The following BCAS3 variants were observed in gnomAD, a reference collection of about 807,000 sequenced individuals.
BCAS3 encodes BCAS4/BCAS3 fusion.
In BCAS3, 53 loss-of-function variants were observed where a neutral mutation model predicts 116.1. That is an observed-to-expected ratio of 0.46 (90% confidence interval 0.37 to 0.57). The LOEUF is 0.57. Among genes scored for constraint, BCAS3 ranks in the 20% least tolerant of loss-of-function variants. The pLI is 0.00. For missense variants in BCAS3, 917 were observed against 1,165.4 expected (o/e 0.79, Z 3.10); for synonymous variants, 391 against 408.2 (o/e 0.96, Z 0.51).
At position 61,268,585 on chromosome 17, in the gene BCAS3, G is replaced by GT. The variant is rs201739100; in HGVS notation, c.2426-99734dup. 6.3e-3 allele frequency among the ~76,000 whole-genome samples: 943 copies of GT among 150,174 alleles called. 9 individuals carry two copies. The highest frequency in any genetic ancestry group is 0.02 in the African/African-American group (813 of 40,510). On this transcript the variant is annotated intron_variant, in intron 22 of 23. Coordinates refer to ENST00000407086, the MANE Select transcript of BCAS3 (RefSeq NM_017679.5). ...GTAATTGTCTTTCTGGGTTTTTTTT[G>GT]TTTTTTTTGTTTTTTGAGACACAGC... is the stretch of plus-strand genomic sequence containing the variant.
chr17:60,846,671 T>G (rs897206089), intron 7 of BCAS3, among the ~76,000 whole-genome samples: 2 of 152,152 alleles, frequency 1.3e-5, no homozygotes, highest in Admixed American at 1.3e-4. Context: ...GTATTGACCC[T>G]TCTATCTTTA....
rs554434416 is a variant in BCAS3, at chr17:61,007,388, G to T, written c.1487-8363G>T. 6.6e-6 allele frequency among the ~76,000 whole-genome samples: 1 copy of T among 151,762 alleles called. No individual in the cohort carries two copies. Among genetic ancestry groups the T allele is most frequent in the South Asian group, 2.1e-4 (1 of 4,822 alleles). ...TTTCTTTATGACTTTTAATTTTTAG[G>T]CATCAAATTTCTAAATTTATTGGGT... is the stretch of plus-strand genomic sequence containing the variant. On this transcript the variant is annotated intron_variant, in intron 15 of 23. Coordinates refer to ENST00000407086, the MANE Select transcript of BCAS3 (RefSeq NM_017679.5). This position sits in a 1 kb window ranked among gnomAD's most constrained non-coding sequence, Gnocchi z 4.3.
Position 61,376,897 on chromosome 17 carries a change from C to T in BCAS3, c.2593+8403C>T, listed in dbSNP as rs1179024966. 2.0e-5 allele frequency among the ~76,000 whole-genome samples: 3 copies of T among 152,210 alleles called. No individual in the cohort carries two copies. Among genetic ancestry groups the T allele is most frequent in the African/African-American group, 4.8e-5 (2 of 41,448 alleles). Reference sequence around the variant, plus strand: ...CTTAATGACCTCATCAGTGGCCCAACGTGTTCTTTCTGTGGTTGGGGCAGG... The same window carrying T: ...CTTAATGACCTCATCAGTGGCCCAATGTGTTCTTTCTGTGGTTGGGGCAGG... On this transcript the variant is annotated intron_variant, in intron 23 of 23. Transcript: ENST00000407086. The surrounding 1 kb of genome is among the most constrained non-coding windows in gnomAD (Gnocchi z 4.5).
Position 60,865,076 on chromosome 17 carries a change from G to A in BCAS3, c.477-3500G>A, listed in dbSNP as rs143168328. On this transcript the variant is annotated intron_variant, in intron 7 of 23. Transcript: ENST00000407086. ...AACAGATATAATAATAAATGAAAGA[G>A]TTTGAAGTATTATGAGAATTACCAA... 3.7e-3 allele frequency among the ~76,000 whole-genome samples: 570 copies of A among 152,206 alleles called. 3 individuals are homozygous for A. Among genetic ancestry groups the A allele is most frequent in the African/African-American group, 0.013 (542 of 41,516 alleles).
At chr17:61,245,329 A>C (rs1694525422) in intron 22 of BCAS3, 1 of 152,160 alleles carries the variant, frequency 6.6e-6, no homozygotes, top group Non-Finnish European at 1.5e-5. Context: ...GGGAACTACA[A>C]GTCAAGATGA....
intron 7 of BCAS3, among the ~76,000 whole-genome samples, chr17:60,829,838 TTGA>T (rs2050759520): frequency 6.6e-6 from 1 of 152,216 alleles, no homozygotes; most frequent in Non-Finnish European, 1.5e-5. Flanking sequence ...ATTTCCTGTG[TTGA>T]TGATATCAGG....
At chr17:60,933,359 T>G (rs1011060932) in intron 13 of BCAS3, among the ~76,000 whole-genome samples, 1 of 152,234 alleles carries the variant, frequency 6.6e-6, no homozygotes, top group African/African-American at 2.4e-5. Context: ...ATAATTGATT[T>G]GCTTTTCAGA....
At position 61,032,102 on chromosome 17, in the gene BCAS3, A is replaced by G. The variant is rs1006260672; in HGVS notation, c.1638-2564A>G. Among the ~76,000 whole-genome samples, 1 of 152,106 alleles carries G rather than the reference A, an allele frequency of 6.6e-6. No individual in the cohort carries two copies. The highest frequency in any genetic ancestry group is 2.4e-5 in the African/African-American group (1 of 41,426). ...TCCTCTCATTTTTCTACTTTTTATT[A>G]TCATGTTAGAAAGTTTGCCATCTGG... On this transcript the variant is annotated intron_variant, in intron 16 of 23. Coordinates refer to ENST00000407086, the MANE Select transcript of BCAS3 (RefSeq NM_017679.5). The surrounding 1 kb of genome is among the most constrained non-coding windows in gnomAD (Gnocchi z 4.6).
In BCAS3 at chr17:61,026,721, A is replaced by G. The variant is rs577373524; in HGVS notation, c.1638-7945A>G. The G allele has an allele frequency of 3.3e-5, 24 of 719,164 alleles. No homozygotes were observed. The African/African-American group carries it at 4.1e-4, about 12-fold the overall frequency. 44.5% of individuals were successfully genotyped at this position (719,164 alleles called of 1,614,324 possible). Reference sequence around the variant, plus strand: ...ATTCTGTTTATTGGTTATATCAGACAGTATGTACAGCAGAATTGTAAATGA... The same window carrying G: ...ATTCTGTTTATTGGTTATATCAGACGGTATGTACAGCAGAATTGTAAATGA... On this transcript the variant is annotated intron_variant, in intron 16 of 23. Transcript: ENST00000407086. This position sits in a 1 kb window ranked among gnomAD's most constrained non-coding sequence, Gnocchi z 5.0.
rs1405522602 is a variant in BCAS3 at position 61,012,887 on chromosome 17, T to TA, written c.1487-2863dup. ...TCAAATTCAATGACTTCAACATCTA[T>TA]ACTGTTCCCTCGCTGAAGAACTTAA... On this transcript the variant is annotated intron_variant, in intron 15 of 23. Coordinates refer to ENST00000407086, the MANE Select transcript of BCAS3 (RefSeq NM_017679.5). This position sits in a 1 kb window ranked among gnomAD's most constrained non-coding sequence, Gnocchi z 4.5. Among the ~76,000 whole-genome samples, 1 of 152,080 alleles carries TA rather than the reference T, an allele frequency of 6.6e-6. No individual in the cohort carries two copies. Among genetic ancestry groups the TA allele is most frequent in the African/African-American group, 2.4e-5 (1 of 41,426 alleles).
At chr17:61,043,380 G>A (rs2067704877) in intron 19 of BCAS3, among the ~76,000 whole-genome samples, 1 of 151,954 alleles carries the variant, frequency 6.6e-6, no homozygotes, top group African/African-American at 2.4e-5. Context: ...AAAAGAGAGG[G>A]ACAATTTGAA....
chr17:61,116,261 T>TAAAC (rs925446050), intron 22 of BCAS3, among the ~76,000 whole-genome samples: 1 of 74,236 alleles, frequency 1.3e-5, no homozygotes, highest in African/African-American at 4.0e-5. Context: ...AATAAATAAA[T>TAAAC]AAATAAATAA....
At chr17:60,777,564 T>C (rs1226875887) in intron 6 of BCAS3, among the ~76,000 whole-genome samples, 1 of 152,074 alleles carries the variant, frequency 6.6e-6, no homozygotes. Flanking sequence ...AAGTGGAGTT[T>C]GTAGTGAGCT....
rs368449884 is a variant in BCAS3, at chr17:61,228,703, G to A, written c.2426-139624G>A. On this transcript the variant is annotated intron_variant, in intron 22 of 23. Coordinates refer to ENST00000407086, the MANE Select transcript of BCAS3 (RefSeq NM_017679.5). This position sits in a 1 kb window ranked among gnomAD's most constrained non-coding sequence, Gnocchi z 5.0. ...ACAGCAAACTTAATAAATGTTTTGCGTTCTGACTGCTCCACTGACCAGTTG... is the reference window on the plus strand; with the variant it reads ...ACAGCAAACTTAATAAATGTTTTGCATTCTGACTGCTCCACTGACCAGTTG... Among the ~76,000 whole-genome samples the A allele has an allele frequency of 2.5e-4, 38 of 152,104 alleles. No homozygotes were observed. Among genetic ancestry groups the A allele is most frequent in the South Asian group, 1.5e-3 (7 of 4,816 alleles).
At chr17:61,252,881 A>ATT (rs35598768) in intron 22 of BCAS3, among the ~76,000 whole-genome samples, 4,487 of 137,600 alleles carry the variant, frequency 0.033, 124 homozygotes, top group African/African-American at 0.039. Flanking sequence ...GTTCCTATAC[A>ATT]TTTTTTTTTT....
chr17:60,788,950 T>A (rs911109944), intron 6 of BCAS3, among the ~76,000 whole-genome samples: 2 of 152,114 alleles, frequency 1.3e-5, no homozygotes, highest in African/African-American at 4.8e-5. Flanking sequence ...AAAGCTCACA[T>A]TGAGTGAATA....
intron 7 of BCAS3, among the ~76,000 whole-genome samples, chr17:60,812,789 A>G (rs1480105844): frequency 6.6e-6 from 1 of 152,140 alleles, no homozygotes; most frequent in Admixed American, 6.5e-5. Context: ...ACCCAGGCCC[A>G]GGTGCAGTGG....
chr17:60,704,040 T>C (rs2036793790), intron 4 of BCAS3, among the ~76,000 whole-genome samples: 1 of 151,856 alleles, frequency 6.6e-6, no homozygotes, highest in Non-Finnish European at 1.5e-5. Context: ...AATCTAAAAC[T>C]GGAGAATTTA....
intron 13 of BCAS3, among the ~76,000 whole-genome samples, chr17:60,931,680 C>T (rs1202321800): frequency 6.6e-6 from 1 of 152,182 alleles, no homozygotes; most frequent in Non-Finnish European, 1.5e-5. Context: ...CCCCTTCCTC[C>T]TTCACCTTGT....
Sources: gnomAD v4.1 joint callset for allele counts (sites outside exome capture counted in the v4.1 genomes callset) on GRCh38, gnomAD v4.1.1 for gene constraint, Gnocchi (gnomAD v3.1) non-coding constraint, MANE v1.5 for transcripts, NCBI Gene and HGNC (gene_info 2026-07-23, HGNC 2026-07-21) for gene names.